Variants in NR5A2 observed in about 807,000 individuals in gnomAD.
NR5A2 encodes CYP7A promoter-binding factor.
In NR5A2, 26 loss-of-function variants were observed where a neutral mutation model predicts 62.7. The observed-to-expected ratio is 0.41, with a 90% CI of 0.30 to 0.58. The LOEUF is 0.58. Ranked by LOEUF, NR5A2 falls within the 20% of genes least tolerant of loss-of-function variation. The pLI, the probability that NR5A2 is intolerant of heterozygous loss-of-function variation, is 0.22. For missense variants in NR5A2, 541 were observed against 669.1 expected, an observed-to-expected ratio of 0.81 and a Z score of 2.11; for synonymous variants, 246 against 241.7, an observed-to-expected ratio of 1.02 and a Z score of -0.16.
At chr1:200,089,237 CAG>C (rs1558130957) in intron 5 of NR5A2, among the ~76,000 whole-genome samples, 1 of 152,158 alleles carries the variant, frequency 6.6e-6, no homozygotes, top group Non-Finnish European at 1.5e-5. Context: ...TTTTTTGAGA[CAG>C]AGTCTTGCAC....
intron 5 of NR5A2, among the ~76,000 whole-genome samples, chr1:200,064,983 C>G (rs1459318500): frequency 2.6e-5 from 4 of 152,010 alleles, no homozygotes; most frequent in African/African-American, 9.7e-5. Context: ...TGGGGCCTAG[C>G]TATGTTGCCC....
intron 7 of NR5A2, among the ~76,000 whole-genome samples, chr1:200,129,612 G>T (rs1016041371): frequency 7.2e-5 from 11 of 152,230 alleles, no homozygotes; most frequent in Admixed American, 5.2e-4. Flanking sequence ...CTGCTCAGTT[G>T]TTTGCTACCC....
intron 5 of NR5A2, among the ~76,000 whole-genome samples, chr1:200,106,377 A>G (rs1665668796): frequency 6.6e-6 from 1 of 152,146 alleles, no homozygotes; most frequent in South Asian, 2.1e-4. Context: ...CTTCTTATGA[A>G]AAAGTACAAG....
intron 7 of NR5A2, among the ~76,000 whole-genome samples, chr1:200,136,812 T>G (rs1198851865): frequency 6.6e-6 from 1 of 152,172 alleles, no homozygotes; most frequent in Non-Finnish European, 1.5e-5. Context: ...TGCTTAATAA[T>G]TCCCCCTCAT....
At chr1:200,081,928 T>C (rs1664314218) in intron 5 of NR5A2, among the ~76,000 whole-genome samples, 1 of 152,134 alleles carries the variant, frequency 6.6e-6, no homozygotes, top group African/African-American at 2.4e-5. Flanking sequence ...AGTGTTCTGT[T>C]CTACTGACTT....
chr1:200,108,020 A>G (rs1312590995), intron 5 of NR5A2, among the ~76,000 whole-genome samples: 1 of 152,114 alleles, frequency 6.6e-6, no homozygotes, highest in East Asian at 1.9e-4. Flanking sequence ...TATGAAGGAC[A>G]GGAACCATCA....
chr1:200,167,144 C>CAG (rs1386077219), intron 7 of NR5A2, among the ~76,000 whole-genome samples: 1 of 152,198 alleles, frequency 6.6e-6, no homozygotes. Context: ...TCTATACCTC[C>CAG]AGCCCAAGCC....
At chr1:200,035,567 T>A (rs1661738723) in intron 1 of NR5A2, among the ~76,000 whole-genome samples, 1 of 152,092 alleles carries the variant, frequency 6.6e-6, no homozygotes, top group Non-Finnish European at 1.5e-5. Flanking sequence ...AGGCAGGCAG[T>A]TGCATCCTCG....
intron 7 of NR5A2, among the ~76,000 whole-genome samples, chr1:200,172,339 A>G (rs1275399483): frequency 2.0e-5 from 3 of 152,234 alleles, no homozygotes; most frequent in African/African-American, 7.2e-5. Flanking sequence ...AGACAGGTGG[A>G]ATATGCTTTA....
intron 7 of NR5A2, among the ~76,000 whole-genome samples, chr1:200,171,585 C>G (rs1654183187): frequency 2.0e-5 from 3 of 152,112 alleles, no homozygotes; most frequent in Admixed American, 2.0e-4. Flanking sequence ...CCCATCTCTA[C>G]TAAAAATATA....
In NR5A2 at chr1:200,147,526, T is replaced by C. The variant is rs1228978735; in HGVS notation, c.1379-26437T>C. ...TCCTTAAAATTTCTGCTGCTTTTGCTGTTTCTGTGATTTCCTTGGTTTCTC... is the reference window on the plus strand; with the variant it reads ...TCCTTAAAATTTCTGCTGCTTTTGCCGTTTCTGTGATTTCCTTGGTTTCTC... On this transcript the variant is annotated intron_variant, in intron 7 of 7. Transcript: ENST00000367362. The surrounding 1 kb of genome is among the most constrained non-coding windows in gnomAD (Gnocchi z 4.9). 4 of 667,936 alleles carry C rather than the reference T, an allele frequency of 6.0e-6. No homozygotes were observed. The Admixed American group carries it at 7.2e-5, about 12-fold the overall frequency. 41.4% of individuals were successfully genotyped at this position (667,936 alleles called of 1,614,324 possible). A position where few individuals can be genotyped will look rare whatever the true frequency, so the allele number is the denominator to read the frequency against.
At chr1:200,113,413 T>C (rs1189208906) in intron 6 of NR5A2, among the ~76,000 whole-genome samples, 3 of 152,254 alleles carry the variant, frequency 2.0e-5, no homozygotes, top group African/African-American at 7.2e-5. Context: ...ACATGTTTAT[T>C]TTCTTTTGCG....
At chr1:200,042,239 A>C (rs1662125741) in intron 2 of NR5A2, among the ~76,000 whole-genome samples, 1 of 150,242 alleles carries the variant, frequency 6.7e-6, no homozygotes, top group Non-Finnish European at 1.5e-5. Context: ...TGGCTAACTC[A>C]CTCCCCTGTG....
At chr1:200,115,540 G>A (rs968651465) in intron 6 of NR5A2, among the ~76,000 whole-genome samples, 3 of 152,234 alleles carry the variant, frequency 2.0e-5, no homozygotes, top group South Asian at 2.1e-4. Context: ...TTTTAATTTA[G>A]TTAAAACAAA....
At chr1:200,028,309 T>A (rs973111176) in intron 1 of NR5A2, among the ~76,000 whole-genome samples, 1 of 152,002 alleles carries the variant, frequency 6.6e-6, no homozygotes, top group Non-Finnish European at 1.5e-5. Flanking sequence ...AACAGATAGC[T>A]GTCAAGTATT....
intron 5 of NR5A2, among the ~76,000 whole-genome samples, chr1:200,104,283 A>C (rs1051095448): frequency 1.3e-5 from 2 of 152,154 alleles, no homozygotes; most frequent in African/African-American, 4.8e-5. Context: ...CTTGTACAGT[A>C]GTGTTTTTAG....
At chr1:200,088,319 G>T (rs12145947) in intron 5 of NR5A2, among the ~76,000 whole-genome samples, 11,255 of 151,866 alleles carry the variant, frequency 0.074, 512 homozygotes, top group African/African-American at 0.12. Flanking sequence ...GTGCAGTCGC[G>T]CGATCCTGGC....
intron 5 of NR5A2, among the ~76,000 whole-genome samples, chr1:200,081,645 A>T (rs1664297276): frequency 6.6e-6 from 1 of 152,218 alleles, no homozygotes. Flanking sequence ...TGGAATCTGC[A>T]TTGAAAACAG....
In NR5A2 at chr1:200,150,497, GC is replaced by G. The variant is rs1653030120; in HGVS notation, c.1379-23465del. ...TAATTCATACATTTGATGGGGAAGAGCTTCAAACAATGCTCAAAGCTCCAGT... is the reference window on the plus strand; with the variant it reads ...TAATTCATACATTTGATGGGGAAGAGTTCAAACAATGCTCAAAGCTCCAGT... On this transcript the variant is annotated intron_variant, in intron 7 of 7. Coordinates refer to ENST00000367362, the MANE Select transcript of NR5A2 (RefSeq NM_205860.3). 2.6e-5 allele frequency among the ~76,000 whole-genome samples: 4 copies of G among 152,310 alleles called. No individual in the cohort carries two copies. In the South Asian group the frequency reaches 8.3e-4, roughly 32 times the overall value.
Sources: allele counts gnomAD v4.1 joint callset (sites outside exome capture counted in the v4.1 genomes callset), GRCh38; gene constraint gnomAD v4.1.1; non-coding constraint Gnocchi (gnomAD v3.1); transcripts MANE v1.5; gene names NCBI Gene and HGNC (gene_info 2026-07-23, HGNC 2026-07-21).